UBE2J1: variants seen among roughly 807,000 people sequenced by gnomAD.
The protein encoded by UBE2J1 is ubiquitin conjugating enzyme E2 J1.
A neutral mutation model predicts 42.1 loss-of-function variants in UBE2J1; 17 were observed. The observed-to-expected ratio is 0.40, with a 90% confidence interval of 0.28 to 0.61. The LOEUF is 0.61. Ranked by LOEUF, UBE2J1 falls within the 20% of genes least tolerant of loss-of-function variation. The probability of loss-of-function intolerance (pLI) is 0.38; values close to 1 mark genes in which losing one functional copy is unlikely to be tolerated. For missense variants in UBE2J1, 291 were observed against 389.4 expected (o/e 0.75, Z 2.13); for synonymous variants, 127 against 137.2 (o/e 0.93, Z 0.52).
Position 89,327,893 on chromosome 6 carries a change from C to T in UBE2J1, c.*1786G>A, listed in dbSNP as rs1199291837. ...GACTTCTTACTAGGAGACCACTGAG[C>T]ACTGAATCAAGGTTTCTAATATGTT... On this transcript the variant is annotated 3_prime_UTR_variant, in exon 8 of 8. Transcript: ENST00000435041. 1 of 152,138 alleles carries T rather than the reference C, an allele frequency of 6.6e-6. No individual in the cohort carries two copies. Among genetic ancestry groups the T allele is most frequent in the East Asian group, 1.9e-4 (1 of 5,194 alleles). The allele number at this position is 152,138 out of a possible 1,614,324, so 9.4% of individuals were successfully genotyped here.
At chr6:89,337,647 T>C (rs1278626959) in intron 5 of UBE2J1, among the ~76,000 whole-genome samples, 1 of 152,152 alleles carries the variant, frequency 6.6e-6, no homozygotes, top group East Asian at 1.9e-4. Flanking sequence ...GAAGGACTGA[T>C]CTTGGTCATA....
intron 1 of UBE2J1, among the ~76,000 whole-genome samples, chr6:89,346,099 C>CAGGCTGGT (rs770267055): frequency 6.6e-6 from 1 of 151,994 alleles, no homozygotes; most frequent in Non-Finnish European, 1.5e-5. Context: ...CTGTCTTGCC[C>CAGGCTGGT]AGGCTGGTCT....
rs1490254423 is a variant in UBE2J1, at chr6:89,352,529, C to A, written c.31+10G>T. The stretch of plus-strand genomic sequence containing the variant: ...CGCCCTCCTCGCCCAGGGGCCCCAG[C>A]CCTGCTCACCCGGACTCTTCAGGTT... On this transcript the variant is annotated intron_variant, in intron 1 of 7. Coordinates refer to ENST00000435041, the MANE Select transcript of UBE2J1 (RefSeq NM_016021.3). The A allele has an allele frequency of 6.4e-7, 1 of 1,569,174 alleles. No homozygotes were observed.
intron 3 of UBE2J1, among the ~76,000 whole-genome samples, chr6:89,340,369 C>G (rs1459976222): frequency 6.6e-6 from 1 of 152,148 alleles, no homozygotes; most frequent in Non-Finnish European, 1.5e-5. Flanking sequence ...CCACCACCAC[C>G]AGTCTCCCCA....
chr6:89,338,961 G>A (rs533874190), intron 3 of UBE2J1, among the ~76,000 whole-genome samples: 13 of 151,338 alleles, frequency 8.6e-5, no homozygotes, highest in East Asian at 1.9e-4. Context: ...CACCGCGCCC[G>A]GCCAAAAAGA....
chr6:89,350,375 T>C (rs969363518), intron 1 of UBE2J1, among the ~76,000 whole-genome samples: 1 of 152,122 alleles, frequency 6.6e-6, no homozygotes, highest in African/African-American at 2.4e-5. Context: ...GTGTGCACCC[T>C]GCCATACACA....
intron 1 of UBE2J1, among the ~76,000 whole-genome samples, chr6:89,344,924 G>T (rs1052115071): frequency 7.2e-5 from 11 of 152,270 alleles, no homozygotes; most frequent in African/African-American, 2.6e-4. Flanking sequence ...ATGCACTCTG[G>T]ATCCCAACCC....
At chr6:89,337,655 A>T (rs773115904) in intron 5 of UBE2J1, among the ~76,000 whole-genome samples, 6 of 152,214 alleles carry the variant, frequency 3.9e-5, no homozygotes, top group Non-Finnish European at 8.8e-5. Context: ...GATCTTGGTC[A>T]TATAGACAAA....
chr6:89,335,274 T>C, intron 6 of UBE2J1, 28 bp downstream of exon 6: 1 of 1,538,130 alleles, frequency 6.5e-7, no homozygotes, highest in Non-Finnish European at 8.8e-7. Flanking sequence ...GGTTGCAAGA[T>C]TAGCATTTAT....
At chr6:89,336,669 C>T (rs1768113722) in intron 5 of UBE2J1, among the ~76,000 whole-genome samples, 1 of 151,620 alleles carries the variant, frequency 6.6e-6, no homozygotes, top group Non-Finnish European at 1.5e-5. Flanking sequence ...TCTTGTTTTA[C>T]CAGAAGTGGC....
At chr6:89,340,020 T>TA (rs202119381) in intron 3 of UBE2J1, among the ~76,000 whole-genome samples, 42,379 of 139,184 alleles carry the variant, frequency 0.3, 6,180 homozygotes, top group Middle Eastern at 0.42. Context: ...TATCTCAAGT[T>TA]AAAAAAAAAA....
rs1288566715 is a variant in UBE2J1, at chr6:89,335,438, GAA to G, written c.429-9_429-8del. On this transcript the variant is annotated splice_polypyrimidine_tract_variant and splice_region_variant and intron_variant, in intron 5 of 7. Transcript: ENST00000435041. ...ACAACAGAAATCTTGTGATCTAGTA[GAA>G]AAAGATTTTTTAAATGAAAATAAAT... The G allele has an allele frequency of 1.3e-6, 2 of 1,548,898 alleles. No homozygotes were observed. The highest frequency in any genetic ancestry group is 1.7e-4 in the Middle Eastern group (1 of 5,786).
In UBE2J1 at chr6:89,352,636, C is replaced by T. The variant is rs1768510533; in HGVS notation, c.-67G>A. ...ACCTCCTCTCCACGCGGCCGCTGCC[C>T]GGGTCTCAGCGCGGCTCGGGCGGAC... On this transcript the variant is annotated 5_prime_UTR_variant, in exon 1 of 8. Transcript: ENST00000435041. 2 of 1,481,360 alleles carry T rather than the reference C, an allele frequency of 1.4e-6. No individual in the cohort carries two copies. The highest frequency in any genetic ancestry group is 1.8e-6 in the Non-Finnish European group (2 of 1,118,946). The allele number at this position is 1,481,360 out of a possible 1,614,324, so 91.8% of individuals were successfully genotyped here.
At chr6:89,351,118 G>C (rs1768469318) in intron 1 of UBE2J1, among the ~76,000 whole-genome samples, 1 of 105,924 alleles carries the variant, frequency 9.4e-6, no homozygotes, top group South Asian at 3.4e-4. Flanking sequence ...GTCTCGCTCT[G>C]TCGCCCACAC....
chr6:89,349,382 T>G (rs1312572904), intron 1 of UBE2J1, among the ~76,000 whole-genome samples: 1 of 152,148 alleles, frequency 6.6e-6, no homozygotes, highest in African/African-American at 2.4e-5. Flanking sequence ...ATTTTTCAAT[T>G]TGGGGGTAAT....
At chr6:89,330,255 G>A (rs1448073215) in intron 7 of UBE2J1, among the ~76,000 whole-genome samples, 2 of 152,072 alleles carry the variant, frequency 1.3e-5, no homozygotes, top group African/African-American at 4.8e-5. Flanking sequence ...ATGAAAATAT[G>A]TATATACATA....
chr6:89,335,498 C>T, intron 5 of UBE2J1, 67 bp from the exon 6 acceptor site: 1 of 1,187,372 alleles, frequency 8.4e-7, no homozygotes, highest in South Asian at 2.0e-5. Flanking sequence ...CACTGAGACA[C>T]TCAAATGCTC....
chr6:89,333,292 T>C, intron 6 of UBE2J1, 87 bp from the exon 7 acceptor site: 3 of 1,411,620 alleles, frequency 2.1e-6, no homozygotes, highest in Non-Finnish European at 1.9e-6. Flanking sequence ...ATCCTCTCTG[T>C]TGGATTTATT....
At chr6:89,338,800 GA>G (rs1432497619) in intron 3 of UBE2J1, among the ~76,000 whole-genome samples, 1 of 151,128 alleles carries the variant, frequency 6.6e-6, no homozygotes, top group Non-Finnish European at 1.5e-5. Context: ...CAAGTAGCTG[GA>G]ACTACAGGCG....
Sources: allele counts gnomAD v4.1 joint callset (sites outside exome capture counted in the v4.1 genomes callset), GRCh38; gene constraint gnomAD v4.1.1; transcripts MANE v1.5; gene names NCBI Gene and HGNC (gene_info 2026-07-23, HGNC 2026-07-21).